SAMMSON: variants seen among roughly 807,000 people sequenced by gnomAD.
SAMMSON encodes survival associated mitochondrial melanoma specific oncogenic non-coding RNA.
At chr3:70,285,919 T>C (rs577486484) in intron 6 of SAMMSON, among the ~76,000 whole-genome samples, 1 of 151,644 alleles carries the variant, frequency 6.6e-6, no homozygotes, top group East Asian at 1.9e-4. Context: ...GTTTTTTTCT[T>C]GTAAATTTGT....
intron 3 of SAMMSON, among the ~76,000 whole-genome samples, chr3:70,015,709 C>T (rs933741201): frequency 3.3e-5 from 5 of 152,002 alleles, no homozygotes; most frequent in Admixed American, 1.3e-4. Context: ...TGCTATCCCT[C>T]CCCGCTTCCC....
intron 1 of SAMMSON, among the ~76,000 whole-genome samples, chr3:70,003,162 C>T (rs2066912468): frequency 6.6e-6 from 1 of 151,922 alleles, no homozygotes; most frequent in African/African-American, 2.4e-5. Flanking sequence ...TCACAGTTTC[C>T]ATTTTGTTAG....
At chr3:70,290,359 A>T (rs1214173283) in intron 6 of SAMMSON, among the ~76,000 whole-genome samples, 1 of 152,156 alleles carries the variant, frequency 6.6e-6, no homozygotes, top group Non-Finnish European at 1.5e-5. Context: ...GGTGCCTCCC[A>T]GTTAGGCTGC....
chr3:70,024,202 G>A (rs1017084799), intron 3 of SAMMSON, among the ~76,000 whole-genome samples: 1 of 152,070 alleles, frequency 6.6e-6, no homozygotes, highest in Admixed American at 6.5e-5. Context: ...ACAATGAGCG[G>A]TACAAGTCTA....
chr3:70,146,221 A>G (rs2067548078), intron 4 of SAMMSON, among the ~76,000 whole-genome samples: 2 of 152,042 alleles, frequency 1.3e-5, no homozygotes. Flanking sequence ...TCAGACCCAA[A>G]TAATTTCACT....
chr3:70,249,528 C>T (rs1274520985), intron 5 of SAMMSON: 3 of 152,124 alleles, frequency 2.0e-5, no homozygotes, highest in Non-Finnish European at 4.4e-5. Flanking sequence ...ATCCTTTCCC[C>T]TCTCTCTTTT....
intron 4 of SAMMSON, among the ~76,000 whole-genome samples, chr3:70,236,549 A>G (rs559088619): frequency 1.3e-5 from 2 of 152,280 alleles, no homozygotes; most frequent in African/African-American, 4.8e-5. Context: ...TTAATTTTTT[A>G]AAGTCCATAC....
intron 4 of SAMMSON, among the ~76,000 whole-genome samples, chr3:70,221,806 A>G (rs992052966): frequency 6.6e-6 from 1 of 152,118 alleles, no homozygotes; most frequent in Admixed American, 6.5e-5. Flanking sequence ...TGGTCTTGCC[A>G]TTTACAGGAC....
chr3:70,053,720 T>C (rs1340947030), intron 3 of SAMMSON, among the ~76,000 whole-genome samples: 2 of 152,174 alleles, frequency 1.3e-5, no homozygotes, highest in Non-Finnish European at 2.9e-5. Context: ...CCCATTATAC[T>C]ACATATCTGG....
At chr3:70,126,572 A>T (rs1027456339) in intron 4 of SAMMSON, 2 of 505,768 alleles carry the variant, frequency 4.0e-6, no homozygotes, top group African/African-American at 1.9e-5. Flanking sequence ...GAGCTTGTGC[A>T]TCCCCTTGAT....
intron 4 of SAMMSON, among the ~76,000 whole-genome samples, chr3:70,230,471 T>C (rs901292916): frequency 2.7e-5 from 4 of 147,990 alleles, no homozygotes; most frequent in African/African-American, 7.4e-5. Context: ...ATGAAATTAT[T>C]GTTACATTAG....
intron 4 of SAMMSON, among the ~76,000 whole-genome samples, chr3:70,118,160 G>A (rs931167106): frequency 1.6e-4 from 24 of 152,212 alleles, no homozygotes; most frequent in African/African-American, 4.6e-4. Context: ...CTGACCTTGT[G>A]ATCCGGCTGC....
chr3:70,293,788 T>C (rs1437511074), intron 7 of SAMMSON, among the ~76,000 whole-genome samples: 1 of 152,058 alleles, frequency 6.6e-6, no homozygotes, highest in East Asian at 1.9e-4. Context: ...TGAACCTTAC[T>C]GAAAGGAAAG....
chr3:70,369,998 A>C (rs1374620807), intron 9 of SAMMSON, among the ~76,000 whole-genome samples: 1 of 151,586 alleles, frequency 6.6e-6, no homozygotes, highest in Non-Finnish European at 1.5e-5. Context: ...AGTCTCGAGA[A>C]TCTATCATTC....
chr3:70,077,148 G>T (rs2067250763), intron 4 of SAMMSON, among the ~76,000 whole-genome samples: 1 of 152,042 alleles, frequency 6.6e-6, no homozygotes, highest in Non-Finnish European at 1.5e-5. Context: ...ACTTCTAAAA[G>T]GATTTTATGA....
chr3:70,221,644 A>G (rs570442083), intron 4 of SAMMSON, among the ~76,000 whole-genome samples: 47 of 152,166 alleles, frequency 3.1e-4, no homozygotes, highest in Non-Finnish European at 5.9e-4. Context: ...GGAAACCAGT[A>G]TAATTCCCCT....
At chr3:70,159,346 C>T (rs141477316) in intron 4 of SAMMSON, among the ~76,000 whole-genome samples, 2,502 of 150,796 alleles carry the variant, frequency 0.017, 30 homozygotes, top group South Asian at 0.033. Flanking sequence ...CCACAAGAGG[C>T]CCCAGTGTGT....
intron 4 of SAMMSON, among the ~76,000 whole-genome samples, chr3:70,243,739 T>A (rs1013950600): frequency 6.6e-6 from 1 of 152,060 alleles, no homozygotes; most frequent in African/African-American, 2.4e-5. Context: ...GCATCACTGA[T>A]CTAAAGCAAG....
At chr3:70,098,748 C>T (rs1387305171) in intron 4 of SAMMSON, among the ~76,000 whole-genome samples, 2 of 152,020 alleles carry the variant, frequency 1.3e-5, no homozygotes, top group East Asian at 1.9e-4. Flanking sequence ...TTCCTATGTC[C>T]CTATCACCCT....
Sources: allele counts gnomAD v4.1 joint callset (sites outside exome capture counted in the v4.1 genomes callset), GRCh38; gene constraint gnomAD v4.1.1; transcripts MANE v1.5; gene names NCBI Gene and HGNC (gene_info 2026-07-23, HGNC 2026-07-21).